PKP2: variants seen among roughly 807,000 people sequenced by gnomAD.
The protein encoded by PKP2 is plakophilin 2, also known as plakophilin-2.
In PKP2, 73 loss-of-function variants were observed where a neutral mutation model predicts 83.4. That is an observed-to-expected ratio of 0.88 (90% confidence interval 0.72 to 1.06). The LOEUF (loss-of-function observed/expected upper bound fraction) is 1.06. Among genes scored for constraint, PKP2 ranks in the 50% least tolerant of loss-of-function variants. The pLI, the probability that PKP2 is intolerant of heterozygous loss-of-function variation, is 0.00. For synonymous variants in PKP2, 409 were observed against 430.4 expected (o/e 0.95, Z 0.62); for missense variants, 966 against 1,065.4 (o/e 0.91, Z 1.30).
chr12:32,827,484 A>G (rs923326693), intron 6 of PKP2, among the ~76,000 whole-genome samples: 5 of 152,244 alleles, frequency 3.3e-5, no homozygotes, highest in East Asian at 1.9e-4. Flanking sequence ...AAAATAACCA[A>G]TAACTATAGA....
intron 6 of PKP2, among the ~76,000 whole-genome samples, chr12:32,830,027 T>C (rs1482066066): frequency 2.0e-5 from 3 of 152,170 alleles, no homozygotes; most frequent in African/African-American, 4.8e-5. Flanking sequence ...TTTAAAAAAT[T>C]ATGCACGCAT....
intron 3 of PKP2, among the ~76,000 whole-genome samples, chr12:32,874,478 T>G (rs577161049): frequency 6.6e-6 from 1 of 152,298 alleles, no homozygotes; most frequent in East Asian, 1.9e-4. Context: ...AAAGTTGATT[T>G]CTATGATTTC....
chr12:32,839,768 G>T (rs1001925018), intron 6 of PKP2, among the ~76,000 whole-genome samples: 1 of 152,150 alleles, frequency 6.6e-6, no homozygotes, highest in African/African-American at 2.4e-5. Flanking sequence ...ACTTTAAGAC[G>T]TGAAATATGT....
intron 4 of PKP2, among the ~76,000 whole-genome samples, chr12:32,859,692 G>C (rs1473510080): frequency 6.6e-6 from 1 of 152,110 alleles, no homozygotes; most frequent in Non-Finnish European, 1.5e-5. Context: ...TTGACCTCAG[G>C]TCATCTGCCT....
At position 32,836,646 on chromosome 12, in the gene PKP2, A is replaced by C. The variant is rs1057346294; in HGVS notation, c.1556+4382T>G. 2.3e-4 allele frequency among the ~76,000 whole-genome samples: 35 copies of C among 152,190 alleles called. 2 individuals are homozygous for C. Among genetic ancestry groups the C allele is most frequent in the Admixed American group, 6.6e-5 (1 of 15,266 alleles). On this transcript the variant is annotated intron_variant, in intron 6 of 12. Transcript: ENST00000340811. ...AAACACAATGCCTGAAATACTACTCAATTTAGTTCACTGTCGGCTCTGAAT... is the reference window on the plus strand; with the variant it reads ...AAACACAATGCCTGAAATACTACTCCATTTAGTTCACTGTCGGCTCTGAAT...
At chr12:32,815,267 C>T (rs1217254489) in intron 9 of PKP2, among the ~76,000 whole-genome samples, 5 of 152,168 alleles carry the variant, frequency 3.3e-5, no homozygotes, top group East Asian at 1.9e-4. Context: ...CATCGCCTTC[C>T]GAATGATGTT....
At chr12:32,851,848 A>C (rs1392069204) in intron 4 of PKP2, among the ~76,000 whole-genome samples, 1 of 152,240 alleles carries the variant, frequency 6.6e-6, no homozygotes, top group South Asian at 2.1e-4. Context: ...TTAAGCAGAT[A>C]AAATAATTTT....
At chr12:32,830,904 T>TA (rs35463895) in intron 6 of PKP2, among the ~76,000 whole-genome samples, 14 of 145,544 alleles carry the variant, frequency 9.6e-5, no homozygotes, top group South Asian at 2.2e-4. Flanking sequence ...AGACTGCATC[T>TA]AAAAAAAAAA....
At chr12:32,836,077 T>C (rs1044614998) in intron 6 of PKP2, among the ~76,000 whole-genome samples, 9 of 152,238 alleles carry the variant, frequency 5.9e-5, no homozygotes, top group Admixed American at 2.6e-4. Flanking sequence ...CACTGGAGTG[T>C]ACAATTTATT....
intron 4 of PKP2, among the ~76,000 whole-genome samples, chr12:32,866,844 T>C (rs1003458697): frequency 6.6e-6 from 1 of 152,184 alleles, no homozygotes; most frequent in African/African-American, 2.4e-5. Context: ...TAAAAGCACA[T>C]GTCTACATGA....
intron 1 of PKP2, among the ~76,000 whole-genome samples, chr12:32,885,053 A>C (rs1957019553): frequency 6.6e-6 from 1 of 152,226 alleles, no homozygotes; most frequent in Non-Finnish European, 1.5e-5. Flanking sequence ...ATTTTAAGGA[A>C]AATAAAGTAG....
At position 32,855,773 on chromosome 12, in the gene PKP2, C is replaced by CAAAAAAAAAAAAAA. The variant is rs11431590; in HGVS notation, c.1171-4814_1171-4801dup. On this transcript the variant is annotated intron_variant, in intron 4 of 12. Transcript: ENST00000340811. ...CCTGGGCGACAGAGAGACTCCATCT[C>CAAAAAAAAAAAAAA]AAAAAAAAAAAAAAAAAAAAAAGGA... 1.5e-3 allele frequency among the ~76,000 whole-genome samples: 72 copies of CAAAAAAAAAAAAAA among 46,830 alleles called. 8 individuals are homozygous for CAAAAAAAAAAAAAA. The highest frequency in any genetic ancestry group is 7.2e-3 in the African/African-American group (68 of 9,428). The allele number at this position is 46,830 out of a possible 152,430, so 30.7% of individuals were successfully genotyped here.
intron 4 of PKP2, among the ~76,000 whole-genome samples, chr12:32,856,753 T>G (rs1421477706): frequency 2.2e-5 from 3 of 139,462 alleles, no homozygotes; most frequent in African/African-American, 5.3e-5. Context: ...AAAGTATAAT[T>G]AAAAAAAAAA....
At chr12:32,822,372 A>G in intron 8 of PKP2, 95 bp downstream of exon 8, 1 of 1,036,578 alleles carries the variant, frequency 9.6e-7, no homozygotes, top group Admixed American at 1.7e-5. Context: ...AATAGTGCCG[A>G]TATATACCAA....
chr12:32,797,563 T>TTTTTTTTTC (rs1956138850), intron 10 of PKP2, among the ~76,000 whole-genome samples: 1 of 149,980 alleles, frequency 6.7e-6, no homozygotes, highest in Admixed American at 6.6e-5. Context: ...CTAAAATCTT[T>TTTTTTTTTC]TTTTTTTTTT....
chr12:32,795,674 C>T (rs1231238338), intron 11 of PKP2, among the ~76,000 whole-genome samples: 1 of 152,160 alleles, frequency 6.6e-6, no homozygotes, highest in Non-Finnish European at 1.5e-5. Flanking sequence ...AGCCACTGTG[C>T]CCAGCCCATC....
At chr12:32,828,974 C>T (rs964193964) in intron 6 of PKP2, among the ~76,000 whole-genome samples, 4 of 152,000 alleles carry the variant, frequency 2.6e-5, no homozygotes, top group Non-Finnish European at 4.4e-5. Flanking sequence ...CTCACTCTAT[C>T]GTCCAGGCTG....
At chr12:32,876,605 C>T (rs976484176) in intron 3 of PKP2, among the ~76,000 whole-genome samples, 5 of 152,052 alleles carry the variant, frequency 3.3e-5, no homozygotes, top group African/African-American at 1.2e-4. Flanking sequence ...TCTTGGCTCA[C>T]TGCAACCTCC....
At chr12:32,836,488 AC>A (rs1282254550) in intron 6 of PKP2, among the ~76,000 whole-genome samples, 1 of 152,254 alleles carries the variant, frequency 6.6e-6, no homozygotes, top group Non-Finnish European at 1.5e-5. Context: ...GAGCAGATTT[AC>A]TCAGCACCAT....
Sources: gnomAD v4.1 joint callset for allele counts (sites outside exome capture counted in the v4.1 genomes callset) on GRCh38, gnomAD v4.1.1 for gene constraint, MANE v1.5 for transcripts, NCBI Gene and HGNC (gene_info 2026-07-23, HGNC 2026-07-21) for gene names.